CGNL1: variants seen among roughly 807,000 people sequenced by gnomAD.
CGNL1 encodes the protein cingulin like 1.
Under a neutral mutation model 141.2 loss-of-function variants are expected in CGNL1, and 132 were observed. The observed-to-expected ratio is 0.93, with a 90% CI of 0.81 to 1.08. The LOEUF (loss-of-function observed/expected upper bound fraction) is 1.08, where lower values mean the gene tolerates loss of function less well. Among genes scored for constraint, CGNL1 ranks in the 50% least tolerant of loss-of-function variants. The pLI is 0.00. For synonymous variants in CGNL1, 690 were observed against 622.1 expected, an observed-to-expected ratio of 1.11 and a Z score of -1.63; for missense variants, 1,870 against 1,588.6, an observed-to-expected ratio of 1.18 and a Z score of -3.01.
intron 14 of CGNL1, among the ~76,000 whole-genome samples, chr15:57,537,671 C>T (rs1465571841): frequency 1.3e-5 from 2 of 152,160 alleles, no homozygotes; most frequent in African/African-American, 4.8e-5. Context: ...TCTGGCTTTC[C>T]ATTAACCCAA....
Position 57,547,606 on chromosome 15 carries a change from C to A in CGNL1, c.*116C>A. On this transcript the variant is annotated 3_prime_UTR_variant, in exon 19 of 19. Transcript: ENST00000281282. ...ACTGAGACCAATCACAGCCTCTTTG[C>A]ACAGCATGCCAGCTCCTCAGTGTTA... The A allele has an allele frequency of 1.7e-6, 2 of 1,164,578 alleles. No homozygotes were observed. The highest frequency in any genetic ancestry group is 2.2e-5 in the Admixed American group (1 of 44,776). The allele number at this position is 1,164,578 out of a possible 1,614,324, so 72.1% of individuals were successfully genotyped here.
chr15:57,488,575 T>C (rs562535175), intron 8 of CGNL1, among the ~76,000 whole-genome samples: 1 of 152,280 alleles, frequency 6.6e-6, no homozygotes, highest in East Asian at 1.9e-4. Flanking sequence ...CTTAGCCATG[T>C]CATCCTTGAT....
intron 8 of CGNL1, among the ~76,000 whole-genome samples, chr15:57,474,634 C>T (rs773899456): frequency 6.6e-6 from 1 of 152,180 alleles, no homozygotes; most frequent in Non-Finnish European, 1.5e-5. Context: ...TAGAATTCTC[C>T]TAGTCTTTCT....
chr15:57,425,705 C>T (rs1172737378), intron 1 of CGNL1, among the ~76,000 whole-genome samples: 5 of 143,736 alleles, frequency 3.5e-5, no homozygotes, highest in African/African-American at 1.3e-4. Flanking sequence ...TGTGCCACTG[C>T]ACTCTAGCCT....
intron 1 of CGNL1, among the ~76,000 whole-genome samples, chr15:57,412,401 G>T (rs1299275207): frequency 1.3e-5 from 2 of 152,188 alleles, no homozygotes; most frequent in East Asian, 3.8e-4. Context: ...TCCTTACTCT[G>T]CTCTCCTCTG....
intron 1 of CGNL1, among the ~76,000 whole-genome samples, chr15:57,412,718 TC>T (rs2062804025): frequency 6.6e-6 from 1 of 152,234 alleles, no homozygotes; most frequent in East Asian, 1.9e-4. Context: ...TATTGGTTGT[TC>T]TAACCTTTGG....
At chr15:57,411,210 G>C (rs1240446341) in intron 1 of CGNL1, among the ~76,000 whole-genome samples, 1 of 152,082 alleles carries the variant, frequency 6.6e-6, no homozygotes, top group African/African-American at 2.4e-5. Context: ...TAGAATACGA[G>C]CTTATTTTCT....
chr15:57,469,255 C>T (rs1273900173), intron 8 of CGNL1, among the ~76,000 whole-genome samples: 3 of 151,520 alleles, frequency 2.0e-5, no homozygotes, highest in Non-Finnish European at 2.9e-5. Flanking sequence ...GGCATCGTCT[C>T]TGGGTGCCTG....
At chr15:57,498,200 G>GT (rs1157860001) in intron 8 of CGNL1, among the ~76,000 whole-genome samples, 2 of 142,206 alleles carry the variant, frequency 1.4e-5, no homozygotes, top group African/African-American at 2.6e-5. Context: ...GTTGTGCTTT[G>GT]TTTTTTCACA....
chr15:57,525,177 C>A (rs549635455), intron 12 of CGNL1, among the ~76,000 whole-genome samples: 3 of 151,996 alleles, frequency 2.0e-5, no homozygotes, highest in Non-Finnish European at 4.4e-5. Flanking sequence ...ATGAGGGTGG[C>A]GGACAAGAGT....
rs763359098 is a variant in CGNL1, at chr15:57,438,282, AAGG to A, written c.286_288del (p.Glu96del). On this transcript the variant is annotated inframe_deletion, in exon 2 of 19. Coordinates refer to ENST00000281282, the MANE Select transcript of CGNL1 (RefSeq NM_032866.5). ...ACATTCCAGCAATGGTTCTGTGCCA[AAGG>A]AGAACAGTGAAGAACTTCAGCTTCC... The A allele has an allele frequency of 6.2e-6, 10 of 1,614,048 alleles. No homozygotes were observed. Among genetic ancestry groups the A allele is most frequent in the African/African-American group, 1.3e-5 (1 of 74,910 alleles).
intron 1 of CGNL1, among the ~76,000 whole-genome samples, chr15:57,409,072 CAT>C: frequency 6.6e-6 from 1 of 150,604 alleles, no homozygotes; most frequent in African/African-American, 2.4e-5. Context: ...CACACACACA[CAT>C]TGCCTTTTGA....
chr15:57,398,796 A>G (rs1160576731), intron 1 of CGNL1, among the ~76,000 whole-genome samples: 1 of 152,214 alleles, frequency 6.6e-6, no homozygotes, highest in Non-Finnish European at 1.5e-5. Flanking sequence ...AGAACACCGT[A>G]CTTTATCATT....
At position 57,547,384 on chromosome 15, in the gene CGNL1, A is replaced by T. The variant is rs996001342; in HGVS notation, c.3803A>T (p.Asp1268Val). Residue 1268 changes from aspartate to valine, a missense_variant, in exon 19 of 19, where the codon GAT becomes GTT. Asp to Val is a radical substitution (Grantham distance 152). Coordinates refer to ENST00000281282, the MANE Select transcript of CGNL1 (RefSeq NM_032866.5). Reference protein sequence around the residue: ...RLKKLPSKVLDDMDDDDDLST... With the variant: ...RLKKLPSKVLVDMDDDDDLST... ...AAGAAGCTGCCGAGTAAAGTGCTGG[A>T]TGACATGGATGACGACGATGACCTC... The T allele has an allele frequency of 6.2e-7, 1 of 1,614,230 alleles. No individual in the cohort carries two copies. Among genetic ancestry groups the T allele is most frequent in the East Asian group, 2.2e-5 (1 of 44,888 alleles).
intron 7 of CGNL1, among the ~76,000 whole-genome samples, chr15:57,456,825 C>A (rs1373196916): frequency 6.6e-6 from 1 of 152,180 alleles, no homozygotes; most frequent in Non-Finnish European, 1.5e-5. Context: ...AGATGGGCCT[C>A]ACTCCAGCAG....
chr15:57,525,834 G>C (rs1222112652), intron 12 of CGNL1, among the ~76,000 whole-genome samples: 3 of 151,880 alleles, frequency 2.0e-5, no homozygotes, highest in Non-Finnish European at 4.4e-5. Context: ...TGTGATACAG[G>C]ACTCCAAGTA....
chr15:57,549,133 G>T lies in CGNL1; in HGVS notation c.*1643G>T, dbSNP rs1361322550. The T allele has an allele frequency of 6.6e-6, 1 of 152,228 alleles. No homozygotes were observed. The highest frequency in any genetic ancestry group is 2.4e-5 in the African/African-American group (1 of 41,426). The allele number at this position is 152,228 out of a possible 1,614,324, so 9.4% of individuals were successfully genotyped here. On this transcript the variant is annotated 3_prime_UTR_variant, in exon 19 of 19. Coordinates refer to ENST00000281282, the MANE Select transcript of CGNL1 (RefSeq NM_032866.5). ...ATTTCAGGGAGCATAGCATCGGGAG[G>T]ATGCTACATATCCAGGGACTCCCTC...
intron 7 of CGNL1, among the ~76,000 whole-genome samples, chr15:57,457,812 T>C (rs1272242236): frequency 2.0e-5 from 3 of 152,174 alleles, no homozygotes; most frequent in Non-Finnish European, 4.4e-5. Flanking sequence ...GAGGGAATTA[T>C]GGGAGCTACA....
chr15:57,522,037 G>A (rs2031293853), intron 10 of CGNL1, among the ~76,000 whole-genome samples: 3 of 152,048 alleles, frequency 2.0e-5, no homozygotes, highest in South Asian at 2.1e-4. Flanking sequence ...CTAAATCATC[G>A]ATCAACAGAA....
Sources: gnomAD v4.1 joint callset for allele counts (sites outside exome capture counted in the v4.1 genomes callset) on GRCh38, gnomAD v4.1.1 for gene constraint, MANE v1.5 for transcripts, NCBI Gene and HGNC (gene_info 2026-07-23, HGNC 2026-07-21) for gene names.